Variants in CAMSAP2 observed in about 807,000 individuals in gnomAD.
CAMSAP2 encodes calmodulin regulated spectrin associated protein family member 2, also known as calmodulin-regulated spectrin-associated protein 2.
In CAMSAP2, 26 loss-of-function variants were observed where a neutral mutation model predicts 146.1. The ratio of observed to expected loss-of-function variants is 0.18; its 90% CI spans 0.13 to 0.25. The LOEUF is 0.25. Among genes scored for constraint, CAMSAP2 ranks in the 10% least tolerant of loss-of-function variants. The pLI, the probability that CAMSAP2 is intolerant of heterozygous loss-of-function variation, is 1.00. For synonymous variants in CAMSAP2, 499 were observed against 596.6 expected, an observed-to-expected ratio of 0.84 and a Z score of 2.38; for missense variants, 1,381 against 1,759.3, an observed-to-expected ratio of 0.78 and a Z score of 3.85.
At chr1:200,817,221 T>TGCGC (rs1666614525) in intron 4 of CAMSAP2, among the ~76,000 whole-genome samples, 1 of 80,998 alleles carries the variant, frequency 1.2e-5, no homozygotes, top group African/African-American at 4.3e-5. Context: ...TACACACATA[T>TGCGC]GTGTGTGTAT....
At chr1:200,828,345 A>G (rs1666955913) in intron 4 of CAMSAP2, among the ~76,000 whole-genome samples, 1 of 152,202 alleles carries the variant, frequency 6.6e-6, no homozygotes, top group East Asian at 1.9e-4. Flanking sequence ...CCTACAATGA[A>G]TATCTGTATG....
intron 1 of CAMSAP2, among the ~76,000 whole-genome samples, chr1:200,744,829 A>C (rs1355060648): frequency 6.6e-6 from 1 of 152,174 alleles, no homozygotes; most frequent in Admixed American, 6.5e-5. Flanking sequence ...AGTGCTAATG[A>C]AACAACATAG....
At chr1:200,774,738 G>A (rs1188568538) in intron 2 of CAMSAP2, among the ~76,000 whole-genome samples, 2 of 152,056 alleles carry the variant, frequency 1.3e-5, no homozygotes, top group Non-Finnish European at 2.9e-5. Flanking sequence ...GCCGACAGAG[G>A]GAATAAATAC....
intron 3 of CAMSAP2, among the ~76,000 whole-genome samples, chr1:200,810,108 A>G (rs1666289909): frequency 6.6e-6 from 1 of 152,164 alleles, no homozygotes; most frequent in Admixed American, 6.6e-5. Context: ...CAAACCATAG[A>G]ACCTGGGAAC....
chr1:200,857,160 G>T lies in CAMSAP2; in HGVS notation c.4013-146G>T. ...GATAAAACAATGTTTTGGTTGGATT[G>T]CAGCCAGTAAGAGGCCTTTAAGCAC... is the stretch of plus-strand genomic sequence containing the variant. On this transcript the variant is annotated intron_variant, in intron 15 of 16. Coordinates refer to ENST00000358823, the MANE Select transcript of CAMSAP2 (RefSeq NM_203459.4). This position sits in a 1 kb window ranked among gnomAD's most constrained non-coding sequence, Gnocchi z 4.7. 1 of 658,122 alleles carries T rather than the reference G, an allele frequency of 1.5e-6. No homozygotes were observed. The highest frequency in any genetic ancestry group is 2.7e-6 in the Non-Finnish European group (1 of 369,814). 40.8% of individuals were successfully genotyped at this position (658,122 alleles called of 1,614,324 possible).
chr1:200,766,203 G>A (rs1664946219), intron 2 of CAMSAP2, among the ~76,000 whole-genome samples: 1 of 150,898 alleles, frequency 6.6e-6, no homozygotes, highest in Admixed American at 6.6e-5. Flanking sequence ...GAGTGCAGTG[G>A]CGCAATCACA....
chr1:200,817,043 C>T (rs575150600), intron 4 of CAMSAP2, among the ~76,000 whole-genome samples: 3 of 141,188 alleles, frequency 2.1e-5, no homozygotes, highest in African/African-American at 7.7e-5. Context: ...CCCACATACA[C>T]ACGTGTATGT....
intron 2 of CAMSAP2, among the ~76,000 whole-genome samples, chr1:200,771,551 T>C (rs1234097972): frequency 6.6e-6 from 1 of 152,200 alleles, no homozygotes; most frequent in African/African-American, 2.4e-5. Context: ...AAAGTGTTAA[T>C]TTCTGGTCAT....
intron 2 of CAMSAP2, among the ~76,000 whole-genome samples, chr1:200,765,095 T>G (rs1664908348): frequency 6.6e-6 from 1 of 151,926 alleles, no homozygotes; most frequent in Non-Finnish European, 1.5e-5. Flanking sequence ...CAGAGTGAGA[T>G]TCCATCTCAA....
At chr1:200,774,459 T>G (rs1665214241) in intron 2 of CAMSAP2, among the ~76,000 whole-genome samples, 2 of 152,180 alleles carry the variant, frequency 1.3e-5, no homozygotes, top group African/African-American at 4.8e-5. Context: ...TTGCTATACT[T>G]GGAGGATTGT....
chr1:200,764,046 A>G (rs777183831), intron 2 of CAMSAP2, among the ~76,000 whole-genome samples: 1 of 152,170 alleles, frequency 6.6e-6, no homozygotes, highest in Non-Finnish European at 1.5e-5. Flanking sequence ...ACTCCAGCCC[A>G]GGTGACAAGA....
In CAMSAP2 at chr1:200,853,239, A is replaced by G; in HGVS notation, c.3603-36A>G. 2 of 1,565,068 alleles carry G rather than the reference A, an allele frequency of 1.3e-6. No homozygotes were observed. The highest frequency in any genetic ancestry group is 1.8e-6 in the Non-Finnish European group (2 of 1,139,146). On this transcript the variant is annotated intron_variant, in intron 12 of 16. Coordinates refer to ENST00000358823, the MANE Select transcript of CAMSAP2 (RefSeq NM_203459.4). This position sits in a 1 kb window ranked among gnomAD's most constrained non-coding sequence, Gnocchi z 5.1. ...CTCTCCTGTATGGTTTGTCTTTGGT[A>G]TGCAGAATAAGAACTGTAACCATTT...
intron 3 of CAMSAP2, among the ~76,000 whole-genome samples, chr1:200,814,968 T>A (rs1226228508): frequency 2.0e-5 from 3 of 152,170 alleles, no homozygotes; most frequent in Non-Finnish European, 4.4e-5. Context: ...GTAGACTTTT[T>A]TTTTTTTAAA....
Position 200,763,883 on chromosome 1 carries a change from A to G in CAMSAP2, c.399+2785A>G, listed in dbSNP as rs148376336. Among the ~76,000 whole-genome samples the G allele has an allele frequency of 2.1e-3, 318 of 152,006 alleles. 7 individuals carry two copies. The East Asian group carries it at 0.038, about 18-fold the overall frequency. On this transcript the variant is annotated intron_variant, in intron 2 of 16. Coordinates refer to ENST00000358823, the MANE Select transcript of CAMSAP2 (RefSeq NM_203459.4). ...GAGGCTAGGAGTTTGAGACCAGCCTAGCCAACATGGCGAAACCCCATCTCT... is the reference window on the plus strand; with the variant it reads ...GAGGCTAGGAGTTTGAGACCAGCCTGGCCAACATGGCGAAACCCCATCTCT...
chr1:200,807,246 T>C, intron 2 of CAMSAP2, 130 bp from the exon 3 acceptor site: 1 of 602,664 alleles, frequency 1.7e-6, no homozygotes, highest in Non-Finnish European at 2.5e-6. Context: ...AATTTATGCT[T>C]TCTTATTAAG....
intron 1 of CAMSAP2, among the ~76,000 whole-genome samples, chr1:200,747,943 T>C (rs577370113): frequency 2.6e-3 from 373 of 144,660 alleles, no homozygotes; most frequent in African/African-American, 8.8e-3. Context: ...GCCGAGATCC[T>C]GCCACTGCAC....
Position 200,848,309 on chromosome 1 carries a change from A to C in CAMSAP2, c.1540A>C (p.Asn514His), listed in dbSNP as rs766122905. ...LNTNELNSNE[N>H]IHYKLPNGAL... ...CACAAATGAACTAAATTCTAATGAGAATATTCATTACAAGCTTCCAAATGG... is the reference window on the plus strand; with the variant it reads ...CACAAATGAACTAAATTCTAATGAGCATATTCATTACAAGCTTCCAAATGG... Residue 514 changes from asparagine to histidine, a missense_variant, in exon 11 of 17, where the codon AAT becomes CAT. Asn to His is a moderately conservative substitution (Grantham distance 68). Transcript: ENST00000358823. 29 of 1,613,576 alleles carry C rather than the reference A, an allele frequency of 1.8e-5. No homozygotes were observed. The highest frequency in any genetic ancestry group is 2.3e-5 in the Non-Finnish European group (27 of 1,179,784).
At chr1:200,747,986 CAAAAAAA>C (rs901478330) in intron 1 of CAMSAP2, among the ~76,000 whole-genome samples, 3 of 68,788 alleles carry the variant, frequency 4.4e-5, no homozygotes, top group African/African-American at 9.5e-5. Flanking sequence ...GACTCCGTCT[CAAAAAAA>C]AAAAAAAAAA....
At chr1:200,803,343 A>G (rs1468032775) in intron 2 of CAMSAP2, among the ~76,000 whole-genome samples, 2 of 152,224 alleles carry the variant, frequency 1.3e-5, no homozygotes, top group African/African-American at 4.8e-5. Context: ...TGCTGAGAAC[A>G]TTACATACTG....
Sources: allele counts gnomAD v4.1 joint callset (sites outside exome capture counted in the v4.1 genomes callset), GRCh38; gene constraint gnomAD v4.1.1; non-coding constraint Gnocchi (gnomAD v3.1); transcripts MANE v1.5; gene names NCBI Gene and HGNC (gene_info 2026-07-23, HGNC 2026-07-21).